CDK13: variants seen among roughly 807,000 people sequenced by gnomAD.
The protein encoded by CDK13 is cyclin-dependent kinase 13.
Under a neutral mutation model 137.6 loss-of-function variants are expected in CDK13, and 40 were observed. The ratio of observed to expected loss-of-function variants is 0.29; its 90% CI spans 0.23 to 0.38. The LOEUF (loss-of-function observed/expected upper bound fraction) is 0.38. Ranked by LOEUF, CDK13 falls within the 10% of genes least tolerant of loss-of-function variation. The pLI is 1.00. For synonymous variants in CDK13, 869 were observed against 760.1 expected (o/e 1.14, Z -2.36); for missense variants, 1,704 against 1,951.8 (o/e 0.87, Z 2.39).
rs138221121 is a variant in CDK13 at position 40,075,766 on chromosome 7, T to C, written c.2781-2239T>C. Among the ~76,000 whole-genome samples, 90 of 152,260 alleles carry C rather than the reference T, an allele frequency of 5.9e-4. 1 individual carries two copies. Among genetic ancestry groups the C allele is most frequent in the African/African-American group, 2.0e-3 (82 of 41,556 alleles). The stretch of plus-strand genomic sequence containing the variant: ...GCCCATGCTTGTAATCCCAACACTT[T>C]AGGAGACTGAGGTGGGAGGATCACT... On this transcript the variant is annotated intron_variant, in intron 9 of 13. Coordinates refer to ENST00000181839, the MANE Select transcript of CDK13 (RefSeq NM_003718.5).
chr7:40,002,580 C>G (rs966841171), intron 5 of CDK13, among the ~76,000 whole-genome samples: 6 of 152,064 alleles, frequency 3.9e-5, no homozygotes, highest in African/African-American at 1.4e-4. Context: ...AAGCAGTGCT[C>G]TACTGTTGGT....
intron 11 of CDK13, among the ~76,000 whole-genome samples, chr7:40,083,993 C>A (rs1786730628): frequency 6.6e-6 from 1 of 152,136 alleles, no homozygotes; most frequent in South Asian, 2.1e-4. Flanking sequence ...GTGTATCAAA[C>A]TCTTTTGATC....
At chr7:39,968,137 G>T (rs754546895) in intron 1 of CDK13, among the ~76,000 whole-genome samples, 3 of 152,180 alleles carry the variant, frequency 2.0e-5, no homozygotes, top group Non-Finnish European at 4.4e-5. Context: ...GAATATTAAT[G>T]TGTTATCAGA....
At chr7:40,010,711 G>A (rs1408696724) in intron 5 of CDK13, among the ~76,000 whole-genome samples, 3 of 152,048 alleles carry the variant, frequency 2.0e-5, no homozygotes, top group African/African-American at 7.2e-5. Flanking sequence ...TTGGAACTTC[G>A]CTCACCTGCC....
chr7:40,094,817 A>G lies in CDK13; in HGVS notation c.4376A>G (p.Asn1459Ser), dbSNP rs757890984. The G allele has an allele frequency of 4.4e-6, 7 of 1,582,242 alleles. No individual in the cohort carries two copies. Among genetic ancestry groups the G allele is most frequent in the Non-Finnish European group, 6.0e-6 (7 of 1,164,924 alleles). ...CATCCTTTGCCAGCAAAGATGCACA[A>G]CTATAACTATGGTGGTAACTTACAG... ...STHPLPAKMH[N>S]YNYGGNLQEN... Residue 1459 changes from asparagine to serine, a missense_variant, in exon 14 of 14, where the codon AAC (asparagine) becomes AGC (serine). Physicochemically the swap from Asn to Ser is conservative, Grantham distance 46. Coordinates refer to ENST00000181839, the MANE Select transcript of CDK13 (RefSeq NM_003718.5).
chr7:40,001,435 T>C (rs866714891), intron 4 of CDK13, among the ~76,000 whole-genome samples: 2 of 152,144 alleles, frequency 1.3e-5, no homozygotes, highest in Non-Finnish European at 2.9e-5. Flanking sequence ...CAGGCTGATC[T>C]CGAACTCCTG....
chr7:40,019,599 C>T (rs935454161), intron 5 of CDK13, among the ~76,000 whole-genome samples: 7 of 152,078 alleles, frequency 4.6e-5, no homozygotes, highest in African/African-American at 7.2e-5. Context: ...ATCTTTTCTC[C>T]CCAAAGTCTT....
chr7:39,981,929 C>T (rs1784232907), intron 1 of CDK13, among the ~76,000 whole-genome samples: 4 of 149,776 alleles, frequency 2.7e-5, no homozygotes, highest in Admixed American at 2.7e-4. Context: ...ATAGCTGGGA[C>T]CACAGGCGCC....
chr7:39,950,837 A>T lies in CDK13; in HGVS notation c.196A>T (p.Thr66Ser), dbSNP rs1398189768. Residue 66 changes from threonine to serine, a missense_variant, in exon 1 of 14, where the codon ACG becomes TCG. Transcript: ENST00000181839. ...PPLLFLAAPGTAAAAAAAAAA... is the reference protein window; with the variant it reads ...PPLLFLAAPGSAAAAAAAAAA... ...TCTGCTCTTCCTGGCTGCTCCCGGC[A>T]CGGCCGCCGCCGCAGCCGCCGCCGC... is the stretch of plus-strand genomic sequence containing the variant. The T allele has an allele frequency of 7.2e-7, 1 of 1,384,998 alleles. No homozygotes were observed. The highest frequency in any genetic ancestry group is 9.3e-7 in the Non-Finnish European group (1 of 1,079,824). 85.8% of individuals were successfully genotyped at this position (1,384,998 alleles called of 1,614,324 possible).
At position 40,029,423 on chromosome 7, in the gene CDK13, GA is replaced by G. The variant is rs1394223691; in HGVS notation, c.2354-16401del. Among the ~76,000 whole-genome samples, 556 of 141,806 alleles carry G rather than the reference GA, an allele frequency of 3.9e-3. 4 individuals are homozygous for G. The highest frequency in any genetic ancestry group is 0.013 in the African/African-American group (496 of 38,566). The allele number at this position is 141,806 out of a possible 152,430, so 93.0% of individuals were successfully genotyped here. A position where few individuals can be genotyped will look rare whatever the true frequency, so the allele number is the denominator to read the frequency against. On this transcript the variant is annotated intron_variant, in intron 5 of 13. Transcript: ENST00000181839. Reference sequence around the variant, plus strand: ...GCCTAGGTGACAGCAAGACTGTGTGGAAAAAAAAAAAATTTAGTCCGGGTGC... The same window carrying G: ...GCCTAGGTGACAGCAAGACTGTGTGGAAAAAAAAAAATTTAGTCCGGGTGC...
intron 13 of CDK13, 140 bp from the exon 14 acceptor site, chr7:40,093,988 CTT>C (rs1786985631): frequency 1.2e-6 from 1 of 859,454 alleles, no homozygotes. Context: ...TACTTGTAAA[CTT>C]TTTGCTTTTT....
intron 4 of CDK13, among the ~76,000 whole-genome samples, chr7:40,000,169 A>G (rs1171713051): frequency 6.6e-6 from 1 of 152,178 alleles, no homozygotes; most frequent in Non-Finnish European, 1.5e-5. Flanking sequence ...TAAGGCCAGG[A>G]GTTCGAGACC....
intron 1 of CDK13, among the ~76,000 whole-genome samples, chr7:39,983,495 T>A (rs571672517): frequency 6.6e-6 from 1 of 152,338 alleles, no homozygotes; most frequent in South Asian, 2.1e-4. Flanking sequence ...TAAAAGAGAT[T>A]AATAGTTCAG....
At chr7:40,083,946 T>C (rs1391323228) in intron 11 of CDK13, among the ~76,000 whole-genome samples, 1 of 152,246 alleles carries the variant, frequency 6.6e-6, no homozygotes, top group Non-Finnish European at 1.5e-5. Context: ...GTAAGGACTA[T>C]GAAGAAATAC....
At position 39,950,362 on chromosome 7, in the gene CDK13, A is replaced by T. The variant is rs1038293277; in HGVS notation, c.-280A>T. 1 of 1,190,552 alleles carries T rather than the reference A, an allele frequency of 8.4e-7. No individual in the cohort carries two copies. Among genetic ancestry groups the T allele is most frequent in the African/African-American group, 1.6e-5 (1 of 63,426 alleles). 73.7% of individuals were successfully genotyped at this position (1,190,552 alleles called of 1,614,324 possible). A position where few individuals can be genotyped will look rare whatever the true frequency, so the allele number is the denominator to read the frequency against. On this transcript the variant is annotated 5_prime_UTR_variant, in exon 1 of 14. Transcript: ENST00000181839. Reference sequence around the variant, plus strand: ...TCCCCCGCAGGTCAGCGCCCGGCGCATCTGGTGTTTTCGCTGCCGAGGATA... The same window carrying T: ...TCCCCCGCAGGTCAGCGCCCGGCGCTTCTGGTGTTTTCGCTGCCGAGGATA...
At chr7:40,083,009 A>T (rs948519019) in intron 11 of CDK13, among the ~76,000 whole-genome samples, 6 of 151,570 alleles carry the variant, frequency 4.0e-5, no homozygotes, top group African/African-American at 1.5e-4. Flanking sequence ...AGGGTGAGGC[A>T]CGAGAATTGC....
intron 5 of CDK13, among the ~76,000 whole-genome samples, chr7:40,004,044 G>T (rs1363856708): frequency 6.6e-6 from 1 of 152,126 alleles, no homozygotes; most frequent in Non-Finnish European, 1.5e-5. Context: ...CTTCACTGTT[G>T]TGCCTCCTAC....
At position 39,987,913 on chromosome 7, in the gene CDK13, C is replaced by T. The variant is rs1403159563; in HGVS notation, c.1526C>T (p.Thr509Ile). ...NTETSASASQTNHVKDVKKIK... is the reference protein window; with the variant it reads ...NTETSASASQINHVKDVKKIK... ...GAAACTAGTGCCAGTGCATCACAAA[C>T]AAACCATGTGAAGGATGTGAAGAAA... The change falls in exon 2 of 14, where the codon ACA (threonine) becomes ATA (isoleucine). Residue 509 changes from threonine to isoleucine, a missense_variant. This residue lies in a region of CDK13 where 1,051 missense variants were observed against 931.0 expected (regional missense o/e 1.13). Coordinates refer to ENST00000181839, the MANE Select transcript of CDK13 (RefSeq NM_003718.5). 2.5e-6 allele frequency: 4 copies of T among 1,614,186 alleles called. No individual in the cohort carries two copies. Among genetic ancestry groups the T allele is most frequent in the Middle Eastern group, 1.6e-4 (1 of 6,062 alleles).
At chr7:39,990,608 A>G (rs1337401123) in intron 2 of CDK13, among the ~76,000 whole-genome samples, 1 of 152,180 alleles carries the variant, frequency 6.6e-6, no homozygotes, top group Non-Finnish European at 1.5e-5. Context: ...TTTTATATTT[A>G]CTATTTATAA....
Sources: gnomAD v4.1 joint callset for allele counts (sites outside exome capture counted in the v4.1 genomes callset) on GRCh38, gnomAD v4.1.1 for gene constraint, gnomAD v4.1.1 regional missense constraint, MANE v1.5 for transcripts, NCBI Gene and HGNC (gene_info 2026-07-23, HGNC 2026-07-21) for gene names.